Variants in PIK3C2G observed in about 807,000 individuals in gnomAD.
PIK3C2G encodes phosphatidylinositol-4-phosphate 3-kinase catalytic subunit type 2 gamma, also known as phosphatidylinositol 3-kinase C2 domain-containing subunit gamma.
PIK3C2G carries 168 observed loss-of-function variants against 181.1 expected under a neutral mutation model. That is an observed-to-expected ratio of 0.93 (90% confidence interval 0.82 to 1.05). The LOEUF (loss-of-function observed/expected upper bound fraction) is 1.05, where lower values mean the gene tolerates loss of function less well. PIK3C2G is among the 50% of genes least tolerant of loss of function. The probability of loss-of-function intolerance (pLI) is 0.00; values close to 1 mark genes in which losing one functional copy is unlikely to be tolerated. For missense variants in PIK3C2G, 1,869 were observed against 1,732.8 expected (o/e 1.08, Z -1.40); for synonymous variants, 573 against 592.2 (o/e 0.97, Z 0.47).
At chr12:18,366,661 ATTAT>A in intron 12 of PIK3C2G, among the ~76,000 whole-genome samples, 1 of 152,168 alleles carries the variant, frequency 6.6e-6, no homozygotes, top group South Asian at 2.1e-4. Flanking sequence ...AATTGTAGTG[ATTAT>A]TCATTCTTAA....
intron 1 of PIK3C2G, among the ~76,000 whole-genome samples, chr12:18,280,050 C>T (rs1243283332): frequency 6.6e-6 from 1 of 151,928 alleles, no homozygotes; most frequent in Non-Finnish European, 1.5e-5. Context: ...CAGAATTATC[C>T]TTTAAAAATT....
intron 24 of PIK3C2G, among the ~76,000 whole-genome samples, chr12:18,511,938 T>C (rs1421835792): frequency 6.6e-6 from 1 of 152,064 alleles, no homozygotes; most frequent in Non-Finnish European, 1.5e-5. Context: ...CTAGCAGTTT[T>C]ATAGTTTCAA....
intron 24 of PIK3C2G, among the ~76,000 whole-genome samples, chr12:18,518,364 T>C (rs571250529): frequency 1.3e-5 from 2 of 152,340 alleles, no homozygotes; most frequent in Non-Finnish European, 2.9e-5. Context: ...TGTCTGGTCC[T>C]GGACTATTTT....
chr12:18,670,428 G>T, the PIK3C2G span, among the ~76,000 whole-genome samples: 1 of 151,816 alleles, frequency 6.6e-6, no homozygotes, highest in Non-Finnish European at 1.5e-5. Context: ...TTTTTAAAGG[G>T]GAGCAAACAA....
At chr12:18,598,955 C>G (rs1947539276) in intron 30 of PIK3C2G, among the ~76,000 whole-genome samples, 1 of 151,052 alleles carries the variant, frequency 6.6e-6, no homozygotes, top group East Asian at 2.0e-4. Flanking sequence ...GAGATACCAT[C>G]TCACACCAGT....
At chr12:18,445,365 A>T (rs764485094) in intron 18 of PIK3C2G, among the ~76,000 whole-genome samples, 1 of 152,058 alleles carries the variant, frequency 6.6e-6, no homozygotes, top group Non-Finnish European at 1.5e-5. Flanking sequence ...TTGGTATTCA[A>T]CTTGAATTAT....
At chr12:18,588,391 A>C (rs1946899748) in intron 29 of PIK3C2G, among the ~76,000 whole-genome samples, 1 of 152,076 alleles carries the variant, frequency 6.6e-6, no homozygotes, top group African/African-American at 2.4e-5. Flanking sequence ...AAGAAACTTA[A>C]ATTTACAGGA....
rs191528574 is a variant in PIK3C2G at position 18,256,111 on chromosome 12, A to G, written c.-79+8029A>G. On this transcript the variant is annotated intron_variant, in intron 1 of 11. Coordinates refer to the PIK3C2G transcript ENST00000535651. Reference sequence around the variant, plus strand: ...ATTTTATTCTCAGAAGTATTTAATTACCCTGTAATTATTTTGTAAGAAAGA... The same window carrying G: ...ATTTTATTCTCAGAAGTATTTAATTGCCCTGTAATTATTTTGTAAGAAAGA... Among the ~76,000 whole-genome samples, 205 of 152,278 alleles carry G rather than the reference A, an allele frequency of 1.3e-3. 1 individual carries two copies. Among genetic ancestry groups the G allele is most frequent in the Middle Eastern group, 3.4e-3 (1 of 294 alleles).
intron 6 of PIK3C2G, among the ~76,000 whole-genome samples, chr12:18,319,819 G>A (rs573315403): frequency 3.3e-5 from 5 of 151,602 alleles, no homozygotes; most frequent in South Asian, 2.1e-4. Flanking sequence ...TTTCTCTGTC[G>A]CAGAAAAAAA....
At position 18,322,478 on chromosome 12, in the gene PIK3C2G, T is replaced by C. The variant is rs561929569; in HGVS notation, c.1208+1446T>C. Among the ~76,000 whole-genome samples, 40 of 152,062 alleles carry C rather than the reference T, an allele frequency of 2.6e-4. No homozygotes were observed. The South Asian group carries it at 8.3e-3, about 32-fold the overall frequency. On this transcript the variant is annotated intron_variant, in intron 7 of 32. Coordinates refer to ENST00000538779, the MANE Select transcript of PIK3C2G (RefSeq NM_001288772.2). ...GAGCTAAAATTGTTTTTAGTGACTA[T>C]GTTGGGTAATGATTTTGTGAAGTTA...
At chr12:18,260,107 T>G (rs1948196536), upstream of PIK3C2G, among the ~76,000 whole-genome samples, 1 of 152,092 alleles carries the variant, frequency 6.6e-6, no homozygotes, top group Non-Finnish European at 1.5e-5. Context: ...ACCTTAATCT[T>G]TGAGTTTTAT....
the PIK3C2G span, among the ~76,000 whole-genome samples, chr12:18,663,060 G>C: frequency 1.3e-5 from 2 of 151,970 alleles, no homozygotes; most frequent in East Asian, 1.9e-4. Context: ...AAAAGACATA[G>C]ATGGAAAACT....
the PIK3C2G span, among the ~76,000 whole-genome samples, chr12:18,660,397 C>A: frequency 6.6e-6 from 1 of 152,132 alleles, no homozygotes; most frequent in Non-Finnish European, 1.5e-5. Flanking sequence ...TCCTTTGTTG[C>A]AAGCCCTTCC....
intron 12 of PIK3C2G, among the ~76,000 whole-genome samples, chr12:18,368,221 C>T (rs907301975): frequency 2.6e-5 from 4 of 152,088 alleles, no homozygotes; most frequent in African/African-American, 9.7e-5. Flanking sequence ...TTTTTACAAA[C>T]CTGTGTATTA....
chr12:18,423,238 G>A (rs1207368344), intron 17 of PIK3C2G, among the ~76,000 whole-genome samples: 5 of 151,794 alleles, frequency 3.3e-5, no homozygotes, highest in Non-Finnish European at 1.5e-5. Context: ...GCAGGAATGG[G>A]CATTTTTATG....
intron 29 of PIK3C2G, among the ~76,000 whole-genome samples, chr12:18,593,421 C>G (rs1157040179): frequency 6.6e-6 from 1 of 151,628 alleles, no homozygotes; most frequent in African/African-American, 2.4e-5. Flanking sequence ...GAAGTAGAGA[C>G]AGTCATTAGC....
chr12:18,644,894 T>C (rs1950036018), intron 32 of PIK3C2G, among the ~76,000 whole-genome samples: 1 of 152,206 alleles, frequency 6.6e-6, no homozygotes, highest in Non-Finnish European at 1.5e-5. Context: ...TATCTTATTG[T>C]CCTCTCATTT....
In PIK3C2G at chr12:18,381,839, G is replaced by A; in HGVS notation, c.1954G>A (p.Gly652Arg). The change falls in exon 14 of 33, where the codon GGA (glycine) becomes AGA (arginine). Residue 652 changes from glycine (G) to arginine (R), a missense_variant. Physicochemically the swap from Gly to Arg is moderately radical, Grantham distance 125. Coordinates refer to ENST00000538779, the MANE Select transcript of PIK3C2G (RefSeq NM_001288772.2). ...SEPPVEMITP[G>R]VWDVSQPSPV... ...GCCTCCCGTAGAAATGATAACTCCAGGAGTGTGGGATGTAAGTCAGCCATC... is the reference window on the plus strand; with the variant it reads ...GCCTCCCGTAGAAATGATAACTCCAAGAGTGTGGGATGTAAGTCAGCCATC... 1 of 1,613,684 alleles carries A rather than the reference G, an allele frequency of 6.2e-7. No homozygotes were observed.
rs757769822 is a variant in PIK3C2G at position 18,282,722 on chromosome 12, C to G, written c.641C>G (p.Pro214Arg). 6.2e-7 allele frequency: 1 copy of G among 1,610,562 alleles called. No homozygotes were observed. Among genetic ancestry groups the G allele is most frequent in the African/African-American group, 1.3e-5 (1 of 74,680 alleles). ...ATGCTTTTGAAAGGCTCTCTTCAACCCGGAATGTGGGAAAGTACATGGCAG... is the reference window on the plus strand; with the variant it reads ...ATGCTTTTGAAAGGCTCTCTTCAACGCGGAATGTGGGAAAGTACATGGCAG... ...SLMLLKGSLQPGMWESTWQKN... is the reference protein window; with the variant it reads ...SLMLLKGSLQRGMWESTWQKN... Residue 214 changes from proline to arginine, a missense_variant, in exon 2 of 33, where the codon CCC becomes CGC. Pro to Arg is a moderately radical substitution (Grantham distance 103, BLOSUM62 -2). Coordinates refer to ENST00000538779, the MANE Select transcript of PIK3C2G (RefSeq NM_001288772.2).
Sources: allele counts gnomAD v4.1 joint callset (sites outside exome capture counted in the v4.1 genomes callset), GRCh38; gene constraint gnomAD v4.1.1; transcripts MANE v1.5; gene names NCBI Gene and HGNC (gene_info 2026-07-23, HGNC 2026-07-21).